BOP1: variants seen among roughly 807,000 people sequenced by gnomAD.
BOP1 encodes BOP1 ribosomal biogenesis factor.
In BOP1, 54 loss-of-function variants were observed where a neutral mutation model predicts 82.9. The ratio of observed to expected loss-of-function variants is 0.65; its 90% CI spans 0.52 to 0.82. BOP1 has a LOEUF of 0.82. BOP1 is among the 40% of genes least tolerant of loss of function. The probability of loss-of-function intolerance (pLI) is 0.00; values close to 1 mark genes in which losing one functional copy is unlikely to be tolerated. For missense variants in BOP1, 1,170 were observed against 1,072.0 expected (o/e 1.09, Z -1.28); for synonymous variants, 566 against 451.1 (o/e 1.25, Z -3.23).
At chr8:144,286,483 TCGGCCCC>T in intron 2 of BOP1, among the ~76,000 whole-genome samples, 13 of 107,980 alleles carry the variant, frequency 1.2e-4, no homozygotes, top group Non-Finnish European at 1.5e-4. Context: ...GGGCAGGGCC[TCGGCCCC>T]TCAGCTAAAG....
chr8:144,264,819 C>T lies in BOP1; in HGVS notation c.558G>A (p.Gln186=), dbSNP rs1469524836. The T allele has an allele frequency of 2.5e-6, 4 of 1,609,326 alleles. No homozygotes were observed. The Admixed American group carries it at 6.7e-5, about 27-fold the overall frequency. ...TCAGGTCCCGCCCTGTCATCGGGTC[C>T]TGCACGGTGCGCCTGGAGACCGCCA... ...MDDPDYWRTV[Q]DPMTGRDLRL... The change falls in exon 5 of 16, where the codon CAG becomes CAA. Residue 186 remains glutamine, a synonymous_variant. Coordinates refer to ENST00000569669, the MANE Select transcript of BOP1 (RefSeq NM_015201.5).
In BOP1 at chr8:144,264,575, C is replaced by CG; in HGVS notation, c.704dup (p.Val236GlyfsTer47). On this transcript the variant is annotated frameshift_variant, in exon 6 of 16. Transcript: ENST00000569669. LOFTEE classifies it high-confidence loss of function. Reference sequence around the variant, plus strand: ...GCTTGTCGGCCGGGCGGTTGGTCACCGGGTGGATCATGACGTCCCCGCTGA... The same window carrying CG: ...GCTTGTCGGCCGGGCGGTTGGTCACCGGGGTGGATCATGACGTCCCCGCTGA... 6.2e-7 allele frequency: 1 copy of CG among 1,608,854 alleles called. No homozygotes were observed.
intron 2 of BOP1, among the ~76,000 whole-genome samples, chr8:144,286,464 G>A (rs536900806): frequency 1.7e-4 from 20 of 118,126 alleles, no homozygotes; most frequent in Non-Finnish European, 2.7e-4. Flanking sequence ...GTGCATGGGC[G>A]CCACGGCAGG....
At chr8:144,276,356 G>A (rs1322756208) in intron 2 of BOP1, 52 bp from the exon 3 acceptor site, 1 of 1,592,468 alleles carries the variant, frequency 6.3e-7, no homozygotes, top group Admixed American at 1.7e-5. Context: ...GGTACCCTTT[G>A]ACCTTGGGGG....
chr8:144,270,602 G>T (rs1845477155), intron 3 of BOP1, among the ~76,000 whole-genome samples: 1 of 152,100 alleles, frequency 6.6e-6, no homozygotes, highest in Admixed American at 6.5e-5. Context: ...GGCGGGGGAG[G>T]AACACTCCGT....
chr8:144,267,357 C>A (rs1845398540), intron 3 of BOP1, among the ~76,000 whole-genome samples: 1 of 152,066 alleles, frequency 6.6e-6, no homozygotes, highest in Non-Finnish European at 1.5e-5. Flanking sequence ...CTCTCCAGGG[C>A]GTCCCTAGGA....
At position 144,262,466 on chromosome 8, in the gene BOP1, G is replaced by A. The variant is rs1242738246; in HGVS notation, c.2017C>T (p.Pro673Ser). 6.8e-6 allele frequency: 11 copies of A among 1,612,788 alleles called. No homozygotes were observed. The highest frequency in any genetic ancestry group is 7.6e-6 in the Non-Finnish European group (9 of 1,179,838). Residue 673 changes from proline to serine, a missense_variant, in exon 15 of 16, where the codon CCG becomes TCG. Coordinates refer to ENST00000569669, the MANE Select transcript of BOP1 (RefSeq NM_015201.5). ...KKALRAVAFH[P>S]RYPLFASGSD... ...CCTGACGCAAAGAGTGGGTACCGCG[G>A]GTGGAAGGCCACAGCCCGCAGAGCC...
chr8:144,273,246 G>A (rs1413254789), intron 3 of BOP1, among the ~76,000 whole-genome samples: 2 of 152,194 alleles, frequency 1.3e-5, no homozygotes, highest in East Asian at 3.9e-4. Flanking sequence ...AGCCATTAAC[G>A]GCGCTTGGCG....
chr8:144,262,240 A>C lies in BOP1; in HGVS notation c.2165T>G (p.Leu722Arg). 1 of 1,612,768 alleles carries C rather than the reference A, an allele frequency of 6.2e-7. No homozygotes were observed. Among genetic ancestry groups the C allele is most frequent in the Non-Finnish European group, 8.5e-7 (1 of 1,179,802 alleles). Residue 722 changes from leucine to arginine, a missense_variant, in exon 16 of 16, where the codon CTG becomes CGG. By Grantham distance (102) the Leu-to-Arg change is moderately radical (BLOSUM62 -2). Transcript: ENST00000569669. ...CTGGGTGGGGTGGAAGATGACGTCC[A>C]GCACTCCCAGATCTCGGGTCAGCAC... is the stretch of plus-strand genomic sequence containing the variant. ...GHVLTRDLGV[L>R]DVIFHPTQPW...
chr8:144,266,182 T>G (rs1160847210), intron 3 of BOP1: 2 of 150,904 alleles, frequency 1.3e-5, no homozygotes, highest in African/African-American at 5.0e-5. Context: ...GGTGGGTTCC[T>G]CCCCTCTCCC....
intron 2 of BOP1, among the ~76,000 whole-genome samples, chr8:144,287,168 C>T (rs569924609): frequency 6.6e-6 from 1 of 152,290 alleles, no homozygotes; most frequent in Admixed American, 6.5e-5. Context: ...CGCCACCACG[C>T]CCAGCTAATT....
intron 3 of BOP1, among the ~76,000 whole-genome samples, chr8:144,271,676 G>A (rs1845495444): frequency 6.6e-6 from 1 of 151,872 alleles, no homozygotes; most frequent in South Asian, 2.1e-4. Flanking sequence ...CTGGGCCCTG[G>A]CGCCGGGGCC....
chr8:144,267,967 T>A, intron 3 of BOP1: 2 of 1,349,676 alleles, frequency 1.5e-6, no homozygotes, highest in Admixed American at 3.9e-5. Context: ...CCAAAACGCT[T>A]GAGGGAAGCT....
rs1588585008 is a variant in BOP1 at position 144,262,383 on chromosome 8, G to A, written c.2087+13C>T. 3.7e-6 allele frequency: 6 copies of A among 1,612,678 alleles called. No individual in the cohort carries two copies. The highest frequency in any genetic ancestry group is 2.7e-5 in the African/African-American group (2 of 74,998). On this transcript the variant is annotated intron_variant, in intron 15 of 15. Transcript: ENST00000569669. ...CTGCCCTGGGGAGGGGGCCAGGCAG[G>A]GTCAGCACTCACTTGTACACCATGC... is the stretch of plus-strand genomic sequence containing the variant.
intron 2 of BOP1, among the ~76,000 whole-genome samples, chr8:144,284,347 T>G (rs4557742): frequency 0.54 from 81,715 of 151,962 alleles, 22,332 homozygotes; most frequent in Admixed American, 0.65. Context: ...CTTGGAATTT[T>G]CCCCAAGAAT....
intron 3 of BOP1, among the ~76,000 whole-genome samples, chr8:144,272,685 G>C (rs1845509851): frequency 6.6e-6 from 1 of 152,062 alleles, no homozygotes; most frequent in South Asian, 2.1e-4. Flanking sequence ...CGGCTCTGAA[G>C]AGGCCACTCC....
At chr8:144,271,035 G>A (rs1408354466) in intron 3 of BOP1, among the ~76,000 whole-genome samples, 11 of 152,090 alleles carry the variant, frequency 7.2e-5, no homozygotes, top group African/African-American at 2.4e-4. Context: ...CGGGCTGCCA[G>A]GAAACACATG....
chr8:144,274,897 G>C (rs771623882), intron 3 of BOP1, among the ~76,000 whole-genome samples: 3 of 152,358 alleles, frequency 2.0e-5, no homozygotes, highest in Admixed American at 6.5e-5. Flanking sequence ...TGTGGCTGCC[G>C]ACAGCCAGAG....
chr8:144,291,123 C>T lies in BOP1; in HGVS notation c.99+149G>A, dbSNP rs1001344950. On this transcript the variant is annotated intron_variant, in intron 1 of 15. Transcript: ENST00000569669. This position sits in a 1 kb window ranked among gnomAD's most constrained non-coding sequence, Gnocchi z 4.1. ...CGCAGTCCGCTCTGCCTGAGACCCC[C>T]CGATAGAGGAGCTGCACCCACGCCC... 1.0e-4 allele frequency: 55 copies of T among 531,898 alleles called. No homozygotes were observed. Among genetic ancestry groups the T allele is most frequent in the African/African-American group, 9.7e-4 (48 of 49,324 alleles). The allele number at this position is 531,898 out of a possible 1,614,324, so 32.9% of individuals were successfully genotyped here. A position where few individuals can be genotyped will look rare whatever the true frequency, so the allele number is the denominator to read the frequency against.
Sources: gnomAD v4.1 joint callset for allele counts (sites outside exome capture counted in the v4.1 genomes callset) on GRCh38, gnomAD v4.1.1 for gene constraint, Gnocchi (gnomAD v3.1) non-coding constraint, MANE v1.5 for transcripts, NCBI Gene and HGNC (gene_info 2026-07-23, HGNC 2026-07-21) for gene names.